The following DGKI variants were observed in gnomAD, a reference collection of about 807,000 sequenced individuals.
DGKI encodes DAG kinase iota.
In DGKI, 55 loss-of-function variants were observed where a neutral mutation model predicts 147.5. The ratio of observed to expected loss-of-function variants is 0.37; its 90% CI spans 0.30 to 0.47. The LOEUF (loss-of-function observed/expected upper bound fraction) is 0.47. Among genes scored for constraint, DGKI ranks in the 20% least tolerant of loss-of-function variants. DGKI has a pLI of 1.00. For missense variants in DGKI, 1,007 were observed against 1,323.8 expected, an observed-to-expected ratio of 0.76 and a Z score of 3.71; for synonymous variants, 469 against 477.1, an observed-to-expected ratio of 0.98 and a Z score of 0.22.
At chr7:137,685,110 A>T (rs1273971347) in intron 2 of DGKI, among the ~76,000 whole-genome samples, 1 of 152,168 alleles carries the variant, frequency 6.6e-6, no homozygotes, top group African/African-American at 2.4e-5. Context: ...CAACTGTGTG[A>T]TGTTTCTATC....
rs372084261 is a variant in DGKI at position 137,803,834 on chromosome 7, T to C, written c.401+42628A>G. On this transcript the variant is annotated intron_variant, in intron 1 of 32. Coordinates refer to ENST00000614521, the MANE Select transcript of DGKI (RefSeq NM_001321708.2). Reference sequence around the variant, plus strand: ...TGGAACACAGCAAGGATTTGAAGGCTAAATGCATAACCTATTTGGATTTGG... The same window carrying C: ...TGGAACACAGCAAGGATTTGAAGGCCAAATGCATAACCTATTTGGATTTGG... Among the ~76,000 whole-genome samples, 8 of 152,214 alleles carry C rather than the reference T, an allele frequency of 5.3e-5. No homozygotes were observed. The South Asian group carries it at 6.2e-4, about 12-fold the overall frequency.
intron 10 of DGKI, among the ~76,000 whole-genome samples, chr7:137,608,247 A>G (rs1820247646): frequency 6.6e-6 from 1 of 152,210 alleles, no homozygotes. Flanking sequence ...TCAGAAGAAA[A>G]TAACAGAAAA....
intron 1 of DGKI, among the ~76,000 whole-genome samples, chr7:137,783,183 G>A (rs1172861842): frequency 6.6e-6 from 1 of 152,176 alleles, no homozygotes; most frequent in Non-Finnish European, 1.5e-5. Context: ...AGCTAATCAA[G>A]GAGGCACCAG....
chr7:137,791,020 A>AG (rs1796836339), intron 1 of DGKI, among the ~76,000 whole-genome samples: 1 of 152,140 alleles, frequency 6.6e-6, no homozygotes, highest in Non-Finnish European at 1.5e-5. Flanking sequence ...AGGAGCTGTG[A>AG]GCAAGGCTTA....
intron 1 of DGKI, among the ~76,000 whole-genome samples, chr7:137,835,090 C>A (rs941181822): frequency 6.6e-6 from 1 of 152,196 alleles, no homozygotes; most frequent in Middle Eastern, 3.2e-3. Context: ...AATCTTGGCA[C>A]CATCCAACCC....
At chr7:137,769,109 T>G (rs1466324585) in intron 1 of DGKI, among the ~76,000 whole-genome samples, 1 of 152,226 alleles carries the variant, frequency 6.6e-6, no homozygotes, top group Admixed American at 6.5e-5. Flanking sequence ...GATTTCGCAT[T>G]CTGATTACGG....
At chr7:137,589,611 C>T (rs978744491) in intron 12 of DGKI, among the ~76,000 whole-genome samples, 6 of 152,172 alleles carry the variant, frequency 3.9e-5, no homozygotes, top group Non-Finnish European at 8.8e-5. Flanking sequence ...ACAGATTAAA[C>T]ACAGTAAAAG....
intron 1 of DGKI, among the ~76,000 whole-genome samples, chr7:137,764,076 C>G (rs1795937143): frequency 6.6e-6 from 1 of 152,202 alleles, no homozygotes; most frequent in Non-Finnish European, 1.5e-5. Context: ...GACACTATCA[C>G]AGATCTAGGC....
At chr7:137,468,747 C>T (rs373359010) in intron 24 of DGKI, among the ~76,000 whole-genome samples, 2 of 152,204 alleles carry the variant, frequency 1.3e-5, no homozygotes, top group East Asian at 3.9e-4. Context: ...TAGATCTCTG[C>T]TGCTGCCATC....
intron 20 of DGKI, 118 bp downstream of exon 20, chr7:137,552,251 A>C: frequency 1.0e-6 from 1 of 975,002 alleles, no homozygotes; most frequent in South Asian, 1.6e-5. Context: ...GGAACTACTG[A>C]GTCTCCTGGA....
intron 28 of DGKI, among the ~76,000 whole-genome samples, chr7:137,416,245 C>G (rs1032563288): frequency 6.6e-6 from 1 of 152,082 alleles, no homozygotes; most frequent in African/African-American, 2.4e-5. Flanking sequence ...TTAAGGATCA[C>G]TAAATATATA....
chr7:137,844,405 T>A lies in DGKI; in HGVS notation c.401+2057A>T, dbSNP rs1041016738. ...GGGCAAAATAGGGTGGCAATCCCCA[T>A]ATATTAGTCTGCATAAACATCGCCT... is the stretch of plus-strand genomic sequence containing the variant. On this transcript the variant is annotated intron_variant, in intron 1 of 32. Coordinates refer to ENST00000614521, the MANE Select transcript of DGKI (RefSeq NM_001321708.2). 2.6e-5 allele frequency among the ~76,000 whole-genome samples: 4 copies of A among 152,128 alleles called. No individual in the cohort carries two copies. In the East Asian group the frequency reaches 7.7e-4, roughly 29 times the overall value.
intron 12 of DGKI, among the ~76,000 whole-genome samples, chr7:137,596,132 G>A (rs1819791314): frequency 6.6e-6 from 1 of 151,634 alleles, no homozygotes; most frequent in South Asian, 2.1e-4. Context: ...GGGAGGTGGA[G>A]CACCCAAGGC....
At chr7:137,668,973 A>G (rs1298254287) in intron 3 of DGKI, among the ~76,000 whole-genome samples, 1 of 152,218 alleles carries the variant, frequency 6.6e-6, no homozygotes, top group Non-Finnish European at 1.5e-5. Flanking sequence ...GCCTGCTGTT[A>G]TATATGCATT....
At chr7:137,772,182 T>G (rs947099589) in intron 1 of DGKI, 1 of 152,048 alleles carries the variant, frequency 6.6e-6, no homozygotes, top group Non-Finnish European at 1.5e-5. Flanking sequence ...TCCAAAATCA[T>G]GACACAGAAC....
intron 21 of DGKI, among the ~76,000 whole-genome samples, chr7:137,498,748 T>C (rs1816061503): frequency 6.6e-6 from 1 of 152,130 alleles, no homozygotes. Context: ...CCAATAAAGT[T>C]GAATTTGCAA....
At chr7:137,423,062 A>C (rs1348916208) in intron 28 of DGKI, among the ~76,000 whole-genome samples, 1 of 152,206 alleles carries the variant, frequency 6.6e-6, no homozygotes, top group East Asian at 1.9e-4. Context: ...AAGGTCCTTC[A>C]TCCCTATAAT....
chr7:137,731,652 C>G (rs1219132414), intron 1 of DGKI, among the ~76,000 whole-genome samples: 2 of 152,092 alleles, frequency 1.3e-5, no homozygotes, highest in South Asian at 2.1e-4. Context: ...TCACATTTCT[C>G]CTTGCATTCT....
At chr7:137,803,646 T>C (rs1797279399) in intron 1 of DGKI, among the ~76,000 whole-genome samples, 1 of 152,228 alleles carries the variant, frequency 6.6e-6, no homozygotes, top group Non-Finnish European at 1.5e-5. Context: ...GGAAAACTTT[T>C]CCTGAGCACA....
Sources: gnomAD v4.1 joint callset for allele counts (sites outside exome capture counted in the v4.1 genomes callset) on GRCh38, gnomAD v4.1.1 for gene constraint, MANE v1.5 for transcripts, NCBI Gene and HGNC (gene_info 2026-07-23, HGNC 2026-07-21) for gene names.